NAV2: variants seen among roughly 807,000 people sequenced by gnomAD.
The protein encoded by NAV2 is helicase, APC down-regulated 1.
NAV2 carries 54 observed loss-of-function variants against 223.2 expected under a neutral mutation model. That is an observed-to-expected ratio of 0.24 (90% confidence interval 0.19 to 0.30). NAV2 has a LOEUF of 0.30. Ranked by LOEUF, NAV2 falls within the 10% of genes least tolerant of loss-of-function variation. The probability of loss-of-function intolerance (pLI) is 1.00; values close to 1 mark genes in which losing one functional copy is unlikely to be tolerated. For synonymous variants in NAV2, 1,279 were observed against 1,239.3 expected, an observed-to-expected ratio of 1.03 and a Z score of -0.67; for missense variants, 2,806 against 3,147.5, an observed-to-expected ratio of 0.89 and a Z score of 2.60.
At chr11:19,350,868 A>G (rs1241276154) in exon 1 of NAV2, 4 of 1,327,046 alleles carry the variant, frequency 3.0e-6, no homozygotes, top group African/African-American at 2.9e-5. Flanking sequence ...TGGCTGTTGC[A>G]TGCATCACTT....
At chr11:20,070,198 T>C (rs896440170) in intron 22 of NAV2, among the ~76,000 whole-genome samples, 6 of 152,196 alleles carry the variant, frequency 3.9e-5, no homozygotes, top group African/African-American at 1.4e-4. Flanking sequence ...AGATTCTTCA[T>C]CTGGATAACT....
chr11:20,077,490 A>T, intron 22 of NAV2, 62 bp from the exon 23 acceptor site: 1 of 1,308,244 alleles, frequency 7.6e-7, no homozygotes. Flanking sequence ...TAAGAGCCAG[A>T]CACCTTCTAA....
intron 11 of NAV2, among the ~76,000 whole-genome samples, chr11:20,023,392 A>G (rs2153537893): frequency 6.6e-6 from 1 of 152,206 alleles, no homozygotes; most frequent in East Asian, 1.9e-4. Flanking sequence ...CTGGGGCATT[A>G]CCCGAATGTC....
At chr11:19,735,163 C>T (rs923719197) in intron 1 of NAV2, among the ~76,000 whole-genome samples, 1 of 152,192 alleles carries the variant, frequency 6.6e-6, no homozygotes, top group African/African-American at 2.4e-5. Context: ...AGTTGTCGTG[C>T]CAGGCCCACT....
chr11:19,916,980 G>A (rs1343965730), intron 6 of NAV2, among the ~76,000 whole-genome samples: 1 of 152,214 alleles, frequency 6.6e-6, no homozygotes, highest in Non-Finnish European at 1.5e-5. Context: ...TTATGGAACT[G>A]GGGGTACTTT....
chr11:19,920,433 G>T (rs148278724), intron 6 of NAV2, among the ~76,000 whole-genome samples: 3 of 151,960 alleles, frequency 2.0e-5, no homozygotes, highest in African/African-American at 4.8e-5. Flanking sequence ...GATTACAGGC[G>T]TGTGCCACCA....
chr11:20,096,932 A>G (rs1018345304), intron 30 of NAV2, among the ~76,000 whole-genome samples: 1 of 152,238 alleles, frequency 6.6e-6, no homozygotes, highest in African/African-American at 2.4e-5. Flanking sequence ...ACACATTGGC[A>G]TCATAGTAAG....
At chr11:19,627,670 G>A (rs954292141) in intron 1 of NAV2, among the ~76,000 whole-genome samples, 2 of 152,020 alleles carry the variant, frequency 1.3e-5, no homozygotes, top group African/African-American at 2.4e-5. Context: ...CCAGCTCCAG[G>A]GCTTCTTAGG....
chr11:19,601,060 G>C (rs1047375666), intron 1 of NAV2, among the ~76,000 whole-genome samples: 5 of 152,294 alleles, frequency 3.3e-5, no homozygotes, highest in African/African-American at 1.2e-4. Flanking sequence ...GCTTCAGCCT[G>C]GTCTTTGAAT....
intron 11 of NAV2, among the ~76,000 whole-genome samples, chr11:19,994,083 A>G (rs2051618237): frequency 6.6e-6 from 1 of 152,198 alleles, no homozygotes; most frequent in Non-Finnish European, 1.5e-5. Context: ...ATGGTCCTAT[A>G]CTGGGAACTT....
intron 1 of NAV2, among the ~76,000 whole-genome samples, chr11:19,408,840 C>T (rs993672109): frequency 1.3e-4 from 19 of 151,488 alleles, no homozygotes; most frequent in Non-Finnish European, 1.5e-5. Context: ...GATGTTAATA[C>T]TCCAAACTGA....
chr11:19,718,156 G>A (rs576435284), intron 1 of NAV2, among the ~76,000 whole-genome samples: 10 of 148,418 alleles, frequency 6.7e-5, no homozygotes, highest in Non-Finnish European at 1.3e-4. Context: ...CCCCAAGTAT[G>A]AACATTTATA....
intron 1 of NAV2, among the ~76,000 whole-genome samples, chr11:19,480,493 C>T (rs754738282): frequency 1.1e-4 from 16 of 152,242 alleles, no homozygotes; most frequent in Non-Finnish European, 1.8e-4. Flanking sequence ...TTCTCCTGAG[C>T]GGTGGCGGTG....
At position 20,080,062 on chromosome 11, in the gene NAV2, A is replaced by G; in HGVS notation, c.5180-2A>G. The G allele has an allele frequency of 6.2e-7, 1 of 1,613,396 alleles. No individual in the cohort carries two copies. The highest frequency in any genetic ancestry group is 8.5e-7 in the Non-Finnish European group (1 of 1,179,952). On this transcript the variant is annotated splice_acceptor_variant, in intron 24 of 37. Coordinates refer to ENST00000349880, the MANE Select transcript of NAV2 (RefSeq NM_145117.5). LOFTEE classifies it high-confidence loss of function. ...GCTGAAACACCCTGCCTTGGTCTCC[A>G]GGAAACGGCACTGCCCAGTCTGCAG...
At chr11:19,841,929 G>A (rs1391379451) in intron 2 of NAV2, among the ~76,000 whole-genome samples, 1 of 152,204 alleles carries the variant, frequency 6.6e-6, no homozygotes, top group Non-Finnish European at 1.5e-5. Context: ...TGTGAAGCAG[G>A]TAGTATTAAC....
At chr11:20,101,341 T>C (rs1253543056) in intron 32 of NAV2, among the ~76,000 whole-genome samples, 169 bp downstream of exon 32, 1 of 152,152 alleles carries the variant, frequency 6.6e-6, no homozygotes, top group Non-Finnish European at 1.5e-5. Flanking sequence ...GTTCCATCTG[T>C]GGTTAAGCTG....
chr11:19,894,045 G>A (rs2041741098), intron 6 of NAV2, among the ~76,000 whole-genome samples: 1 of 152,178 alleles, frequency 6.6e-6, no homozygotes, highest in African/African-American at 2.4e-5. Context: ...GTATTTGTGT[G>A]TGTATATATA....
chr11:19,887,236 T>A (rs535582709), intron 5 of NAV2, among the ~76,000 whole-genome samples: 1 of 152,010 alleles, frequency 6.6e-6, no homozygotes, highest in African/African-American at 2.4e-5. Context: ...GCCTCACCCT[T>A]GAATCTGGAT....
At chr11:19,803,662 G>A (rs960862228) in intron 1 of NAV2, among the ~76,000 whole-genome samples, 2 of 152,244 alleles carry the variant, frequency 1.3e-5, no homozygotes, top group Non-Finnish European at 2.9e-5. Flanking sequence ...GCTTGTGAGA[G>A]GAAACTGTTA....
Sources: gnomAD v4.1 joint callset for allele counts (sites outside exome capture counted in the v4.1 genomes callset) on GRCh38, gnomAD v4.1.1 for gene constraint, MANE v1.5 for transcripts, NCBI Gene and HGNC (gene_info 2026-07-23, HGNC 2026-07-21) for gene names.